Variants in MALRD1 observed in about 807,000 individuals in gnomAD.
MALRD1 encodes the protein MAM and LDL-receptor class A domain-containing protein 1.
Under a neutral mutation model 242.1 loss-of-function variants are expected in MALRD1, and 247 were observed. The ratio of observed to expected loss-of-function variants is 1.02; its 90% confidence interval spans 0.92 to 1.13. The LOEUF (loss-of-function observed/expected upper bound fraction) is 1.13, where lower values mean the gene tolerates loss of function less well. MALRD1 is among the 50% of genes most tolerant of loss of function. MALRD1 has a pLI of 0.00. For synonymous variants in MALRD1, 995 were observed against 866.6 expected, an observed-to-expected ratio of 1.15 and a Z score of -2.60; for missense variants, 2,989 against 2,533.1, an observed-to-expected ratio of 1.18 and a Z score of -3.86.
At chr10:19,638,017 C>G (rs959974623) in intron 36 of MALRD1, among the ~76,000 whole-genome samples, 1 of 140,396 alleles carries the variant, frequency 7.1e-6, no homozygotes, top group Non-Finnish European at 1.5e-5. Context: ...AGGAGAATTG[C>G]TTGAACCCAG....
At chr10:19,404,207 A>G (rs1465798344) in intron 28 of MALRD1, among the ~76,000 whole-genome samples, 3 of 152,036 alleles carry the variant, frequency 2.0e-5, no homozygotes, top group African/African-American at 7.2e-5. Context: ...GAACAGTTTT[A>G]TTTTTATAGA....
intron 28 of MALRD1, among the ~76,000 whole-genome samples, chr10:19,392,931 A>AG (rs1309947071): frequency 6.6e-6 from 1 of 152,192 alleles, no homozygotes; most frequent in Admixed American, 6.5e-5. Flanking sequence ...CATGAGATTC[A>AG]GCCTGTGGGA....
intron 19 of MALRD1, among the ~76,000 whole-genome samples, chr10:19,266,265 C>T (rs753527233): frequency 6.6e-6 from 1 of 151,622 alleles, no homozygotes; most frequent in Non-Finnish European, 1.5e-5. Flanking sequence ...AAAATTCCTT[C>T]CTAGCTGTTT....
chr10:19,520,198 C>G (rs1833817341), intron 31 of MALRD1, among the ~76,000 whole-genome samples: 1 of 152,018 alleles, frequency 6.6e-6, no homozygotes, highest in East Asian at 1.9e-4. Flanking sequence ...TCGTGTGTAT[C>G]TAAAGCAAAA....
At chr10:19,454,405 GATATATATATATAT>G (rs141643131) in intron 29 of MALRD1, among the ~76,000 whole-genome samples, 18 of 80,530 alleles carry the variant, frequency 2.2e-4, no homozygotes, top group Admixed American at 4.9e-4. Flanking sequence ...TTATGCATAT[GATATATATATATAT>G]ATATATATAT....
At chr10:19,549,461 C>T (rs951500080) in intron 32 of MALRD1, among the ~76,000 whole-genome samples, 2 of 152,172 alleles carry the variant, frequency 1.3e-5, no homozygotes, top group Non-Finnish European at 2.9e-5. Context: ...CTTCAGCAAT[C>T]ACCACCCTAA....
At chr10:19,661,441 A>AGT (rs1188357682) in intron 36 of MALRD1, among the ~76,000 whole-genome samples, 1 of 152,174 alleles carries the variant, frequency 6.6e-6, no homozygotes, top group African/African-American at 2.4e-5. Flanking sequence ...TACACCGTGG[A>AGT]ATACTATGCA....
intron 21 of MALRD1, among the ~76,000 whole-genome samples, chr10:19,287,977 T>A (rs1009739187): frequency 6.6e-6 from 1 of 152,134 alleles, no homozygotes; most frequent in Non-Finnish European, 1.5e-5. Flanking sequence ...CTGACTCAGA[T>A]GAATTTATGA....
chr10:19,159,892 A>G (rs1044898649), intron 12 of MALRD1, among the ~76,000 whole-genome samples: 6 of 152,036 alleles, frequency 3.9e-5, no homozygotes, highest in African/African-American at 1.4e-4. Flanking sequence ...ATGTATACAT[A>G]TATATTTTTT....
chr10:19,364,159 A>G (rs1845016925), intron 26 of MALRD1, among the ~76,000 whole-genome samples: 1 of 152,086 alleles, frequency 6.6e-6, no homozygotes, highest in African/African-American at 2.4e-5. Flanking sequence ...AAATATAAGG[A>G]TCATAATGAT....
Position 19,081,583 on chromosome 10 carries a change from G to A in MALRD1, c.341-6257G>A, listed in dbSNP as rs560068041. Among the ~76,000 whole-genome samples the A allele has an allele frequency of 9.9e-5, 15 of 152,180 alleles. No homozygotes were observed. The South Asian group carries it at 2.5e-3, about 25-fold the overall frequency. ...GAATGATGAGAACACAGGGACACATGGCAGGGAACAACAGACACTGGGACC... is the reference window on the plus strand; with the variant it reads ...GAATGATGAGAACACAGGGACACATAGCAGGGAACAACAGACACTGGGACC... On this transcript the variant is annotated intron_variant, in intron 2 of 39. Coordinates refer to ENST00000454679, the MANE Select transcript of MALRD1 (RefSeq NM_001142308.3).
intron 25 of MALRD1, among the ~76,000 whole-genome samples, chr10:19,349,900 G>A (rs887511563): frequency 2.0e-5 from 3 of 151,912 alleles, no homozygotes; most frequent in Non-Finnish European, 4.4e-5. Flanking sequence ...TATTCCCCTG[G>A]TCCCAGAACT....
chr10:19,149,121 TATCTAACTAGCTGAGACAG>T (rs1371688225), intron 11 of MALRD1, among the ~76,000 whole-genome samples: 1 of 151,860 alleles, frequency 6.6e-6, no homozygotes, highest in African/African-American at 2.4e-5. Context: ...TCTATCTATC[TATCTAACTAGCTGAGACAG>T]AGTCTCACTT....
At chr10:19,115,307 T>C (rs920981988) in intron 5 of MALRD1, among the ~76,000 whole-genome samples, 3 of 152,094 alleles carry the variant, frequency 2.0e-5, no homozygotes, top group African/African-American at 7.2e-5. Flanking sequence ...AGGAGGTGTC[T>C]AGAGACACCC....
intron 33 of MALRD1, among the ~76,000 whole-genome samples, chr10:19,585,094 C>T (rs951677381): frequency 2.6e-5 from 4 of 152,094 alleles, no homozygotes; most frequent in Non-Finnish European, 5.9e-5. Context: ...CTTCCTCCAT[C>T]CTTTTATTTT....
chr10:19,219,428 AT>A (rs1250786460), intron 18 of MALRD1, among the ~76,000 whole-genome samples: 1 of 151,924 alleles, frequency 6.6e-6, no homozygotes, highest in East Asian at 1.9e-4. Context: ...AATATTTCCT[AT>A]TTTTTTCTTC....
At chr10:19,657,831 G>A (rs1488606244) in intron 36 of MALRD1, among the ~76,000 whole-genome samples, 4 of 152,036 alleles carry the variant, frequency 2.6e-5, no homozygotes, top group Non-Finnish European at 5.9e-5. Context: ...ATATACACAT[G>A]CATTTAATAA....
rs564850138 is a variant in MALRD1 at position 19,692,023 on chromosome 10, C to T, written c.6138-259C>T. Among the ~76,000 whole-genome samples, 398 of 151,990 alleles carry T rather than the reference C, an allele frequency of 2.6e-3. 3 individuals are homozygous for T. Among genetic ancestry groups the T allele is most frequent in the Non-Finnish European group, 2.5e-3 (167 of 67,938 alleles). ...TGAGTCAATTTTTAAAAACAAAGAA[C>T]GATGTGGAAACCATGTTTCTACCTT... On this transcript the variant is annotated intron_variant, in intron 36 of 39. Transcript: ENST00000454679.
At chr10:19,663,439 A>C (rs1317683077) in intron 36 of MALRD1, among the ~76,000 whole-genome samples, 1 of 152,076 alleles carries the variant, frequency 6.6e-6, no homozygotes, top group Admixed American at 6.6e-5. Flanking sequence ...AAAGACACTT[A>C]AGTTGATTCC....
Sources: allele counts gnomAD v4.1 joint callset (sites outside exome capture counted in the v4.1 genomes callset), GRCh38; gene constraint gnomAD v4.1.1; transcripts MANE v1.5; gene names NCBI Gene and HGNC (gene_info 2026-07-23, HGNC 2026-07-21).